The following RYR3 variants were observed in gnomAD, a reference collection of about 807,000 sequenced individuals.
RYR3 encodes ryanodine receptor 3, also known as brain ryanodine receptor-calcium release channel.
RYR3 carries 207 observed loss-of-function variants against 584.3 expected under a neutral mutation model. The ratio of observed to expected loss-of-function variants is 0.35; its 90% CI spans 0.32 to 0.40. The LOEUF (loss-of-function observed/expected upper bound fraction) is 0.40, where lower values mean the gene tolerates loss of function less well. Among genes scored for constraint, RYR3 ranks in the 10% least tolerant of loss-of-function variants. The pLI, the probability that RYR3 is intolerant of heterozygous loss-of-function variation, is 1.00. For synonymous variants in RYR3, 2,416 were observed against 2,248.5 expected, an observed-to-expected ratio of 1.07 and a Z score of -2.11; for missense variants, 5,616 against 6,089.2, an observed-to-expected ratio of 0.92 and a Z score of 2.59.
chr15:33,842,151 A>C, intron 91 of RYR3, 116 bp downstream of exon 91: 262 of 1,125,094 alleles, frequency 2.3e-4, no homozygotes, highest in Middle Eastern at 3.0e-4. Flanking sequence ...CCCCTTTCTC[A>C]TTCCTAAACT....
chr15:33,547,793 T>G (rs2056358948), intron 8 of RYR3, among the ~76,000 whole-genome samples: 1 of 152,188 alleles, frequency 6.6e-6, no homozygotes, highest in Admixed American at 6.5e-5. Context: ...AACTGGAGCA[T>G]TCTGTGTCTG....
chr15:33,334,879 C>T (rs144907713), intron 1 of RYR3, among the ~76,000 whole-genome samples: 25 of 151,788 alleles, frequency 1.6e-4, no homozygotes, highest in East Asian at 3.9e-4. Context: ...CATGAACAGA[C>T]GCTTCTCCAA....
At chr15:33,448,490 A>G (rs1296770378) in intron 1 of RYR3, among the ~76,000 whole-genome samples, 1 of 152,226 alleles carries the variant, frequency 6.6e-6, no homozygotes, top group Non-Finnish European at 1.5e-5. Flanking sequence ...AGAAACAGGC[A>G]TTTCTGAAGA....
intron 86 of RYR3, among the ~76,000 whole-genome samples, chr15:33,834,285 AACACACACACAC>A (rs61059288): frequency 1.2e-4 from 17 of 136,870 alleles, no homozygotes; most frequent in Admixed American, 1.5e-4. Flanking sequence ...ATCTGTCTTA[AACACACACACAC>A]ACACACACAC....
chr15:33,504,997 T>C (rs961860196), intron 3 of RYR3, among the ~76,000 whole-genome samples: 4 of 152,232 alleles, frequency 2.6e-5, no homozygotes, highest in African/African-American at 9.6e-5. Flanking sequence ...TCATAGCTCT[T>C]ATCACTCTGT....
intron 1 of RYR3, among the ~76,000 whole-genome samples, chr15:33,466,784 A>G (rs535139259): frequency 6.6e-6 from 1 of 152,240 alleles, no homozygotes; most frequent in East Asian, 1.9e-4. Flanking sequence ...AGTCGTTTTC[A>G]GAACATACGA....
chr15:33,386,233 T>C (rs938680816), intron 1 of RYR3, among the ~76,000 whole-genome samples: 4 of 152,222 alleles, frequency 2.6e-5, no homozygotes, highest in African/African-American at 9.6e-5. Context: ...TTGTACTAAA[T>C]ATCAGAACTC....
At chr15:33,844,788 TA>T in intron 92 of RYR3, 73 bp from the exon 93 acceptor site, 2 of 1,300,026 alleles carry the variant, frequency 1.5e-6, no homozygotes, top group Non-Finnish European at 2.1e-6. Flanking sequence ...GCTAACAATA[TA>T]AAATATGTGG....
At chr15:33,620,277 T>C (rs2060656505) in intron 19 of RYR3, among the ~76,000 whole-genome samples, 1 of 152,138 alleles carries the variant, frequency 6.6e-6, no homozygotes, top group Non-Finnish European at 1.5e-5. Flanking sequence ...AGGACAGTTG[T>C]CAAGCTTCCA....
chr15:33,670,325 G>C (rs2063769223), intron 37 of RYR3, 94 bp from the exon 38 acceptor site: 8 of 1,316,100 alleles, frequency 6.1e-6, no homozygotes, highest in Non-Finnish European at 8.6e-6. Flanking sequence ...GAAAGTTCCA[G>C]AAGGATGGGA....
intron 1 of RYR3, among the ~76,000 whole-genome samples, chr15:33,404,951 G>GTA (rs1356042013): frequency 3.9e-5 from 6 of 152,182 alleles, no homozygotes; most frequent in African/African-American, 1.4e-4. Flanking sequence ...CTGAGGTTAA[G>GTA]TCCTGGCTTT....
intron 2 of RYR3, among the ~76,000 whole-genome samples, chr15:33,477,087 G>T (rs976059751): frequency 6.6e-6 from 1 of 152,176 alleles, no homozygotes; most frequent in Non-Finnish European, 1.5e-5. Flanking sequence ...ATGCAGTGAG[G>T]TGAGGAGGTA....
At chr15:33,581,696 C>T (rs1441857641) in intron 14 of RYR3, 53 bp downstream of exon 14, 23 of 1,493,778 alleles carry the variant, frequency 1.5e-5, no homozygotes, top group South Asian at 1.0e-4. Context: ...GGGATTTCCA[C>T]GTGCAATCCC....
In RYR3 at chr15:33,617,698, A is replaced by C. The variant is rs920817851; in HGVS notation, c.2357+4323A>C. On this transcript the variant is annotated intron_variant, in intron 19 of 103. Coordinates refer to ENST00000634891, the MANE Select transcript of RYR3 (RefSeq NM_001036.6). ...GATCCTTGTCTTGAATTTTTAAAAT[A>C]ATTTTTATACTTACAAACTATGTTG... Among the ~76,000 whole-genome samples, 59 of 152,282 alleles carry C rather than the reference A, an allele frequency of 3.9e-4. 2 individuals carry two copies. Among genetic ancestry groups the C allele is most frequent in the South Asian group, 4.1e-4 (2 of 4,826 alleles).
chr15:33,719,367 G>A (rs2067731900), intron 43 of RYR3, among the ~76,000 whole-genome samples: 1 of 152,206 alleles, frequency 6.6e-6, no homozygotes, highest in Non-Finnish European at 1.5e-5. Flanking sequence ...TCTGCATATT[G>A]TGGTTTTATA....
intron 1 of RYR3, among the ~76,000 whole-genome samples, chr15:33,426,656 G>T (rs1001106119): frequency 6.6e-6 from 1 of 152,226 alleles, no homozygotes; most frequent in Non-Finnish European, 1.5e-5. Flanking sequence ...GAGGCTGGTA[G>T]TTAAGTATAT....
chr15:33,706,933 G>T lies in RYR3; in HGVS notation c.6498G>T (p.Leu2166Phe). ...GTTTCTGGCAGGTGGTGACCTACTTGGCAGGCTGTGGCCTACAGAGCTGCC... is the reference window on the plus strand; with the variant it reads ...GTTTCTGGCAGGTGGTGACCTACTTTGCAGGCTGTGGCCTACAGAGCTGCC... ...EPDLEKVVTY[L>F]AGCGLQSCPM... Residue 2166 changes from leucine to phenylalanine, a missense_variant, in exon 43 of 104, where the codon TTG becomes TTT. By Grantham distance (22) the Leu-to-Phe change is conservative. Transcript: ENST00000634891. The T allele has an allele frequency of 6.2e-7, 1 of 1,607,692 alleles. No individual in the cohort carries two copies. The highest frequency in any genetic ancestry group is 8.5e-7 in the Non-Finnish European group (1 of 1,176,760).
intron 1 of RYR3, among the ~76,000 whole-genome samples, chr15:33,373,166 C>T (rs569311898): frequency 6.6e-6 from 1 of 152,306 alleles, no homozygotes; most frequent in East Asian, 1.9e-4. Context: ...TTGAATTTAC[C>T]AACAAGCATC....
chr15:33,396,436 A>ACTT (rs1334400224), intron 1 of RYR3, among the ~76,000 whole-genome samples: 1 of 152,178 alleles, frequency 6.6e-6, no homozygotes, highest in South Asian at 2.1e-4. Context: ...CCCGAGGGAC[A>ACTT]CTTCCTCTGC....
Sources: allele counts gnomAD v4.1 joint callset (sites outside exome capture counted in the v4.1 genomes callset), GRCh38; gene constraint gnomAD v4.1.1; transcripts MANE v1.5; gene names NCBI Gene and HGNC (gene_info 2026-07-23, HGNC 2026-07-21).